ARHGAP15: variants seen among roughly 807,000 people sequenced by gnomAD.
The protein encoded by ARHGAP15 is Rho GTPase activating protein 15.
A neutral mutation model predicts 63.7 loss-of-function variants in ARHGAP15; 51 were observed. That is an observed-to-expected ratio of 0.80 (90% confidence interval 0.64 to 1.01). The LOEUF (loss-of-function observed/expected upper bound fraction) is 1.01. Ranked by LOEUF, ARHGAP15 falls within the 50% of genes least tolerant of loss-of-function variation. ARHGAP15 has a pLI of 0.00. For synonymous variants in ARHGAP15, 191 were observed against 193.8 expected, an observed-to-expected ratio of 0.99 and a Z score of 0.12; for missense variants, 560 against 564.6, an observed-to-expected ratio of 0.99 and a Z score of 0.08.
chr2:143,487,255 C>G lies in ARHGAP15; in HGVS notation c.704-118C>G, dbSNP rs903957848. ...ACATGGCTTGTTGTAGACAGAAGAG[C>G]CTGAGCTATTAATTCAGGTAGTTGT... On this transcript the variant is annotated intron_variant, in intron 8 of 13. Coordinates refer to ENST00000295095, the MANE Select transcript of ARHGAP15 (RefSeq NM_018460.4). 8 of 1,193,598 alleles carry G rather than the reference C, an allele frequency of 6.7e-6. No individual in the cohort carries two copies. The African/African-American group carries it at 9.2e-5, about 14-fold the overall frequency. 73.9% of individuals were successfully genotyped at this position (1,193,598 alleles called of 1,614,324 possible). A position where few individuals can be genotyped will look rare whatever the true frequency, so the allele number is the denominator to read the frequency against.
chr2:143,178,106 C>CA (rs1373734346), intron 2 of ARHGAP15, among the ~76,000 whole-genome samples: 5 of 152,098 alleles, frequency 3.3e-5, no homozygotes, highest in African/African-American at 1.2e-4. Context: ...TGATATCCAA[C>CA]AAAGCAAACG....
At chr2:143,516,286 A>G (rs1574563447) in intron 9 of ARHGAP15, among the ~76,000 whole-genome samples, 2 of 152,212 alleles carry the variant, frequency 1.3e-5, no homozygotes, top group African/African-American at 2.4e-5. Context: ...TAAATGAATA[A>G]AAGAGTAAAT....
At chr2:143,522,630 T>C (rs922953963) in intron 10 of ARHGAP15, among the ~76,000 whole-genome samples, 2 of 152,072 alleles carry the variant, frequency 1.3e-5, no homozygotes, top group Non-Finnish European at 2.9e-5. Context: ...TTGGGTCACA[T>C]TGGAAGAAGA....
intron 1 of ARHGAP15, among the ~76,000 whole-genome samples, chr2:143,146,029 T>C (rs1172901726): frequency 6.6e-6 from 1 of 151,762 alleles, no homozygotes; most frequent in Admixed American, 6.6e-5. Flanking sequence ...ATGGGAATAG[T>C]CTTTGTTGCC....
At chr2:143,364,203 CAA>C (rs371427810) in intron 6 of ARHGAP15, among the ~76,000 whole-genome samples, 1 of 148,250 alleles carries the variant, frequency 6.7e-6, no homozygotes, top group Non-Finnish European at 1.5e-5. Context: ...ACAACAACAA[CAA>C]AAAAAAAAAA....
At chr2:143,484,459 G>A (rs920312523) in intron 8 of ARHGAP15, among the ~76,000 whole-genome samples, 1 of 152,136 alleles carries the variant, frequency 6.6e-6, no homozygotes, top group African/African-American at 2.4e-5. Flanking sequence ...TTCAATTTGG[G>A]AAGTGGAAGT....
intron 12 of ARHGAP15, among the ~76,000 whole-genome samples, chr2:143,703,144 A>G (rs940291322): frequency 6.6e-6 from 1 of 152,220 alleles, no homozygotes; most frequent in African/African-American, 2.4e-5. Flanking sequence ...CATTCTATCT[A>G]CATTCAAAGA....
intron 1 of ARHGAP15, among the ~76,000 whole-genome samples, chr2:143,131,247 TAAA>T (rs1431957223): frequency 2.0e-5 from 3 of 152,184 alleles, no homozygotes; most frequent in African/African-American, 7.2e-5. Flanking sequence ...GAATTGTTTG[TAAA>T]GAGCAGTAAG....
chr2:143,519,126 T>C, intron 9 of ARHGAP15, 140 bp from the exon 10 acceptor site: 1 of 566,984 alleles, frequency 1.8e-6, no homozygotes, highest in Admixed American at 2.7e-5. Context: ...ATGTCTGCCA[T>C]AGACACTATG....
intron 11 of ARHGAP15, among the ~76,000 whole-genome samples, chr2:143,583,963 T>C (rs963665098): frequency 5.9e-5 from 9 of 152,322 alleles, no homozygotes; most frequent in Admixed American, 2.0e-4. Context: ...CTAGGTAAAT[T>C]TGGAAATTTT....
chr2:143,561,708 G>T (rs1413388405), intron 11 of ARHGAP15, among the ~76,000 whole-genome samples: 7 of 151,748 alleles, frequency 4.6e-5, no homozygotes, highest in East Asian at 3.9e-4. Context: ...TAGAGACAAG[G>T]TTTCACCATG....
intron 2 of ARHGAP15, among the ~76,000 whole-genome samples, chr2:143,173,379 T>C (rs1048688756): frequency 6.6e-6 from 1 of 152,022 alleles, no homozygotes; most frequent in African/African-American, 2.4e-5. Flanking sequence ...TGTTTTTTCG[T>C]CTCCTATAAA....
intron 9 of ARHGAP15, among the ~76,000 whole-genome samples, chr2:143,504,862 C>G (rs560136531): frequency 6.6e-6 from 1 of 152,210 alleles, no homozygotes; most frequent in Non-Finnish European, 1.5e-5. Context: ...GCAAAACCTT[C>G]CATGTGCCAG....
intron 9 of ARHGAP15, among the ~76,000 whole-genome samples, chr2:143,509,357 A>C (rs1322137161): frequency 6.6e-6 from 1 of 152,026 alleles, no homozygotes; most frequent in Non-Finnish European, 1.5e-5. Flanking sequence ...TAAGTAAACA[A>C]GGCAATGAGA....
At chr2:143,754,028 T>C (rs1384387020) in intron 13 of ARHGAP15, among the ~76,000 whole-genome samples, 1 of 152,206 alleles carries the variant, frequency 6.6e-6, no homozygotes. Flanking sequence ...GTGCAGGAAA[T>C]GTAATTATTG....
intron 9 of ARHGAP15, among the ~76,000 whole-genome samples, chr2:143,496,047 C>CTG (rs1175400387): frequency 6.6e-6 from 1 of 152,152 alleles, no homozygotes; most frequent in Admixed American, 6.5e-5. Flanking sequence ...TACGTGTGCG[C>CTG]TGTGTCATGA....
intron 8 of ARHGAP15, among the ~76,000 whole-genome samples, chr2:143,439,575 G>A (rs1689785374): frequency 1.3e-5 from 2 of 151,156 alleles, no homozygotes; most frequent in African/African-American, 2.4e-5. Context: ...TGTGCACCAG[G>A]CACTGTTCCA....
At chr2:143,494,916 C>T (rs13004149) in intron 9 of ARHGAP15, among the ~76,000 whole-genome samples, 29,205 of 152,112 alleles carry the variant, frequency 0.19, 3,388 homozygotes, top group East Asian at 0.48. Context: ...CTCCATTTTA[C>T]AATTAAGAAA....
At chr2:143,304,859 T>A (rs1363926617) in intron 6 of ARHGAP15, among the ~76,000 whole-genome samples, 1 of 152,012 alleles carries the variant, frequency 6.6e-6, no homozygotes, top group Non-Finnish European at 1.5e-5. Flanking sequence ...GAAATAGGAA[T>A]GCTTTTATAC....
Sources: gnomAD v4.1 joint callset for allele counts (sites outside exome capture counted in the v4.1 genomes callset) on GRCh38, gnomAD v4.1.1 for gene constraint, MANE v1.5 for transcripts, NCBI Gene and HGNC (gene_info 2026-07-23, HGNC 2026-07-21) for gene names.